The following FBXL18 variants were observed in gnomAD, a reference collection of about 807,000 sequenced individuals.
The protein encoded by FBXL18 is F-box and leucine rich repeat protein 18, also known as F-box/LRR-repeat protein 18.
In FBXL18, 36 loss-of-function variants were observed where a neutral mutation model predicts 46.0. The ratio of observed to expected loss-of-function variants is 0.78; its 90% CI spans 0.60 to 1.03. The LOEUF is 1.03. Among genes scored for constraint, FBXL18 ranks in the 50% least tolerant of loss-of-function variants. The pLI is 0.00. For synonymous variants in FBXL18, 557 were observed against 465.3 expected (o/e 1.20, Z -2.54); for missense variants, 977 against 1,004.1 (o/e 0.97, Z 0.36).
intron 2 of FBXL18, among the ~76,000 whole-genome samples, chr7:5,503,282 G>A (rs1784314231): frequency 6.6e-6 from 1 of 152,220 alleles, no homozygotes; most frequent in South Asian, 2.1e-4. Context: ...TACTTGGGAG[G>A]CTGAGGCAGG....
At chr7:5,474,832 C>T (rs543417810), downstream of FBXL18, among the ~76,000 whole-genome samples, 4 of 150,792 alleles carry the variant, frequency 2.7e-5, no homozygotes, top group African/African-American at 9.7e-5. Flanking sequence ...CTCAGCCTCC[C>T]GAGCAGCTGG....
rs767015680 is a variant in FBXL18 at position 5,455,119 on chromosome 7, C to A, written c.2001-7276G>T. ...CATCAGCAAACTCGAGGCTGGCTTCCTATCCTCTTGCTCAGGGAGCAACCC... is the reference window on the plus strand; with the variant it reads ...CATCAGCAAACTCGAGGCTGGCTTCATATCCTCTTGCTCAGGGAGCAACCC... On this transcript the variant is annotated intron_variant and NMD_transcript_variant, in intron 4 of 6. Coordinates refer to the FBXL18 transcript ENST00000415009. This position sits in a 1 kb window ranked among gnomAD's most constrained non-coding sequence, Gnocchi z 4.6. 1.3e-5 allele frequency among the ~76,000 whole-genome samples: 2 copies of A among 152,130 alleles called. No homozygotes were observed. Among genetic ancestry groups the A allele is most frequent in the Non-Finnish European group, 2.9e-5 (2 of 68,010 alleles).
At chr7:5,495,017 C>T (rs1784039363) in intron 3 of FBXL18, among the ~76,000 whole-genome samples, 1 of 152,182 alleles carries the variant, frequency 6.6e-6, no homozygotes. Flanking sequence ...GCTTCCTAGG[C>T]TCCCACAGCA....
At chr7:5,485,751 T>C (rs1783754773) in intron 4 of FBXL18, among the ~76,000 whole-genome samples, 1 of 151,622 alleles carries the variant, frequency 6.6e-6, no homozygotes, top group African/African-American at 2.4e-5. Context: ...CTACTAAAAA[T>C]TCAAAATTAG....
intron 4 of FBXL18, among the ~76,000 whole-genome samples, chr7:5,465,921 G>A (rs1584184908): frequency 6.6e-6 from 1 of 151,664 alleles, no homozygotes; most frequent in Non-Finnish European, 1.5e-5. Flanking sequence ...AGGTTCAAGC[G>A]ATTCTCCTGC....
At position 5,503,975 on chromosome 7, in the gene FBXL18, A is replaced by C. The variant is rs567984124; in HGVS notation, c.237+1437T>G. Among the ~76,000 whole-genome samples the C allele has an allele frequency of 5.4e-3, 820 of 151,716 alleles. 8 individuals are homozygous for C. Among genetic ancestry groups the C allele is most frequent in the African/African-American group, 0.019 (793 of 41,358 alleles). On this transcript the variant is annotated intron_variant, in intron 2 of 4. Coordinates refer to ENST00000382368, the MANE Select transcript of FBXL18 (RefSeq NM_024963.6). ...GAGTGAGACCTCGTTTCAAAAAAAA[A>C]AAAAAATGCTCTGGATGTACACCGA... is the stretch of plus-strand genomic sequence containing the variant.
chr7:5,509,701 C>CAAAAAAAAAAAAAA (rs761762119), intron 1 of FBXL18, among the ~76,000 whole-genome samples: 17 of 65,492 alleles, frequency 2.6e-4, no homozygotes, highest in Admixed American at 3.8e-4. Flanking sequence ...GATTCCATCT[C>CAAAAAAAAAAAAAA]AAAAAAAAAA....
intron 3 of FBXL18, among the ~76,000 whole-genome samples, chr7:5,499,645 C>T (rs1178153398): frequency 6.6e-6 from 1 of 150,484 alleles, no homozygotes; most frequent in Non-Finnish European, 1.5e-5. Flanking sequence ...GTGGGAGAAT[C>T]GCTTGAACCC....
chr7:5,481,984 G>A lies in FBXL18; in HGVS notation c.2001-53C>T, dbSNP rs149818053. 9,039 of 1,545,714 alleles carry A rather than the reference G, an allele frequency of 5.8e-3. 66 individuals carry two copies. Among genetic ancestry groups the A allele is most frequent in the Middle Eastern group, 0.019 (88 of 4,528 alleles). Reference sequence around the variant, plus strand: ...TTACATGGGTGGCCACGGAGGGGGCGGAGCCTGCTGGGGAAGCCCAGGAGG... The same window carrying A: ...TTACATGGGTGGCCACGGAGGGGGCAGAGCCTGCTGGGGAAGCCCAGGAGG... On this transcript the variant is annotated intron_variant, in intron 4 of 4. Coordinates refer to ENST00000382368, the MANE Select transcript of FBXL18 (RefSeq NM_024963.6).
chr7:5,486,251 C>CAAAAAAAA (rs1160606876), intron 4 of FBXL18, among the ~76,000 whole-genome samples: 5 of 71,822 alleles, frequency 7.0e-5, no homozygotes, highest in African/African-American at 1.2e-4. Context: ...AACTCCATCT[C>CAAAAAAAA]AAAAAAAAAA....
intron 4 of FBXL18, among the ~76,000 whole-genome samples, chr7:5,466,651 G>C (rs530373668): frequency 6.6e-6 from 1 of 152,146 alleles, no homozygotes; most frequent in Admixed American, 6.6e-5. Flanking sequence ...CACAGAACCC[G>C]CAATCATGGG....
chr7:5,485,175 G>T (rs181187856), intron 4 of FBXL18, among the ~76,000 whole-genome samples: 94 of 152,282 alleles, frequency 6.2e-4, no homozygotes, highest in African/African-American at 2.1e-3. Context: ...TGTCTCTGCG[G>T]CCAGGAAGGA....
At position 5,481,685 on chromosome 7, in the gene FBXL18, T is replaced by A; in HGVS notation, c.*90A>T. On this transcript the variant is annotated 3_prime_UTR_variant, in exon 5 of 5. Transcript: ENST00000382368. ...GTGGCTGGCCGGGAGAGAGGCCCCC[T>A]TCCTCTTGTGACAAACCAAGGGTCC... 2.1e-6 allele frequency: 3 copies of A among 1,429,332 alleles called. No homozygotes were observed. The highest frequency in any genetic ancestry group is 2.9e-6 in the Non-Finnish European group (3 of 1,036,944). The allele number at this position is 1,429,332 out of a possible 1,614,324, so 88.5% of individuals were successfully genotyped here.
In FBXL18 at chr7:5,505,951, G is replaced by C. The variant is rs946753045; in HGVS notation, c.19-321C>G. On this transcript the variant is annotated intron_variant, in intron 1 of 4. Transcript: ENST00000382368. ...GTGATCTCGGCTCACTGCAACCTCC[G>C]CCTCCCAGGCTCAAGAGATTCTCCT... Among the ~76,000 whole-genome samples, 5 of 152,010 alleles carry C rather than the reference G, an allele frequency of 3.3e-5. No individual in the cohort carries two copies. In the South Asian group the frequency reaches 6.2e-4, roughly 19 times the overall value.
chr7:5,488,867 A>G (rs1584213223), intron 4 of FBXL18, among the ~76,000 whole-genome samples: 1 of 152,006 alleles, frequency 6.6e-6, no homozygotes, highest in African/African-American at 2.4e-5. Context: ...CCTTCCCCCA[A>G]CAGCTACCGC....
At chr7:5,470,694 C>T (rs1436577364) in intron 4 of FBXL18, among the ~76,000 whole-genome samples, 1 of 24,372 alleles carries the variant, frequency 4.1e-5, no homozygotes, top group Non-Finnish European at 7.5e-5. Flanking sequence ...GCCCCCTCCC[C>T]TTCCCGGGGG....
chr7:5,510,373 T>C (rs1784500936), intron 1 of FBXL18, among the ~76,000 whole-genome samples: 1 of 147,788 alleles, frequency 6.8e-6, no homozygotes, highest in African/African-American at 2.5e-5. Flanking sequence ...CAAAACCTCG[T>C]CTCTACAAAA....
At chr7:5,509,981 G>T (rs1221955449) in intron 1 of FBXL18, among the ~76,000 whole-genome samples, 1 of 151,980 alleles carries the variant, frequency 6.6e-6, no homozygotes, top group Non-Finnish European at 1.5e-5. Context: ...CACCAAAAAA[G>T]GTGGCAAGCT....
At chr7:5,493,502 A>C (rs572285290) in intron 3 of FBXL18, among the ~76,000 whole-genome samples, 1 of 152,112 alleles carries the variant, frequency 6.6e-6, no homozygotes, top group African/African-American at 2.4e-5. Context: ...TCACCGTGTT[A>C]GCCAGGATGG....
Sources: gnomAD v4.1 joint callset for allele counts (sites outside exome capture counted in the v4.1 genomes callset) on GRCh38, gnomAD v4.1.1 for gene constraint, Gnocchi (gnomAD v3.1) non-coding constraint, MANE v1.5 for transcripts, NCBI Gene and HGNC (gene_info 2026-07-23, HGNC 2026-07-21) for gene names.